SIGLEC12: variants seen among roughly 807,000 people sequenced by gnomAD.
SIGLEC12 encodes the protein sialic acid binding Ig like lectin 12.
SIGLEC12 carries 43 observed loss-of-function variants against 54.1 expected under a neutral mutation model. The observed-to-expected ratio is 0.80, with a 90% CI of 0.62 to 1.03. The LOEUF (loss-of-function observed/expected upper bound fraction) is 1.03, where lower values mean the gene tolerates loss of function less well. Ranked by LOEUF, SIGLEC12 falls within the 50% of genes least tolerant of loss-of-function variation. SIGLEC12 has a pLI of 0.00. For missense variants in SIGLEC12, 802 were observed against 735.2 expected (o/e 1.09, Z -1.05); for synonymous variants, 357 against 307.6 (o/e 1.16, Z -1.68).
Position 51,501,256 on chromosome 19 carries a change from T to C in SIGLEC12, c.427+51A>G. The stretch of plus-strand genomic sequence containing the variant: ...CATGTGTCCCGTCTCAGCCGTGCCC[T>C]AAAGCCCTCATCACATTTGCCTTTG... On this transcript the variant is annotated intron_variant, in intron 1 of 7. Transcript: ENST00000291707. 1.9e-6 allele frequency: 3 copies of C among 1,585,786 alleles called. No homozygotes were observed. In the South Asian group the frequency reaches 3.4e-5, roughly 18 times the overall value.
At chr19:51,494,281 AC>A (rs1051455739) in intron 7 of SIGLEC12, among the ~76,000 whole-genome samples, 1 of 152,080 alleles carries the variant, frequency 6.6e-6, no homozygotes, top group Non-Finnish European at 1.5e-5. Context: ...CAGAGAAACA[AC>A]ACAGTTTCAA....
rs1295825386 is a variant in SIGLEC12, at chr19:51,497,321, G to T, written c.1502+28C>A. 3 of 1,593,270 alleles carry T rather than the reference G, an allele frequency of 1.9e-6. No individual in the cohort carries two copies. The African/African-American group carries it at 4.0e-5, about 21-fold the overall frequency. The stretch of plus-strand genomic sequence containing the variant: ...TGTTCCCAGCCTGCCCTCCCCCAAG[G>T]CTCTTCCTCCCCAGGGTCAATGCTC... On this transcript the variant is annotated intron_variant, in intron 6 of 7. Coordinates refer to ENST00000291707, the MANE Select transcript of SIGLEC12 (RefSeq NM_053003.4).
chr19:51,495,413 G>GTGGATGGATGGATGGA (rs1276089932), intron 7 of SIGLEC12, among the ~76,000 whole-genome samples: 9 of 41,550 alleles, frequency 2.2e-4, no homozygotes, highest in African/African-American at 7.5e-4. Context: ...GGGTGGGTGG[G>GTGGATGGATGGATGGA]TGGATGGATG....
At chr19:51,495,169 GTGGA>G (rs747328721) in intron 7 of SIGLEC12, among the ~76,000 whole-genome samples, 18,494 of 99,140 alleles carry the variant, frequency 0.19, 2,114 homozygotes, top group Middle Eastern at 0.3. Context: ...GGGTGGGTGG[GTGGA>G]TGGATGGATG....
rs1171038611 is a variant in SIGLEC12, at chr19:51,498,182, G to A, written c.1241C>T (p.Thr414Ile). The A allele has an allele frequency of 1.2e-6, 2 of 1,614,114 alleles. No homozygotes were observed. The highest frequency in any genetic ancestry group is 1.7e-6 in the Non-Finnish European group (2 of 1,180,040). Residue 414 changes from threonine (T) to isoleucine (I), a missense_variant, in exon 5 of 8, where the codon ACC (threonine) becomes ATC (isoleucine). By Grantham distance (89) the Thr-to-Ile change is moderately conservative. Coordinates refer to ENST00000291707, the MANE Select transcript of SIGLEC12 (RefSeq NM_053003.4). ...GGGGCTCAGGGTCAGGCTCCCCCAGGTCCAGCTCAGCCTGGCAGGGGGATT... is the reference window on the plus strand; with the variant it reads ...GGGGCTCAGGGTCAGGCTCCCCCAGATCCAGCTCAGCCTGGCAGGGGGATT... ...DSNPPARLSW[T>I]WGSLTLSPSQ...
chr19:51,497,318 A>G (rs1990268035), intron 6 of SIGLEC12, 31 bp downstream of exon 6: 1 of 1,590,966 alleles, frequency 6.3e-7, no homozygotes, highest in African/African-American at 1.3e-5. Context: ...GCCCTCCCCC[A>G]AGGCTCTTCC....
In SIGLEC12 at chr19:51,497,392, C is replaced by G; in HGVS notation, c.1459G>C (p.Ala487Pro). The G allele has an allele frequency of 1.2e-6, 2 of 1,613,320 alleles. No individual in the cohort carries two copies. The highest frequency in any genetic ancestry group is 1.7e-6 in the Non-Finnish European group (2 of 1,179,364). ...VTLGAFGGAG[A>P]TALVFLYFCI... ...AAGTACAGGAAGACCAGGGCTGTGG[C>G]TCCAGCTCCCCCGAATGCCCCTAGC... Residue 487 changes from alanine (A) to proline (P), a missense_variant, in exon 6 of 8, where the codon GCC becomes CCC. By Grantham distance (27) the Ala-to-Pro change is conservative. Transcript: ENST00000291707.
Position 51,501,687 on chromosome 19 carries a change from A to G in SIGLEC12, c.47T>C (p.Val16Ala). ...LLLPPLLCGR[V>A]GAKEQKDYLL... ...GTAATCCTTCTGTTCCTTAGCCCCC[A>G]CTCTCCCACAGAGCAGGGGTGGCAG... is the stretch of plus-strand genomic sequence containing the variant. The change falls in exon 1 of 8, where the codon GTG becomes GCG. Residue 16 changes from valine (V) to alanine (A), a missense_variant. Physicochemically the swap from Val to Ala is moderately conservative, Grantham distance 64 (BLOSUM62 0). Coordinates refer to ENST00000291707, the MANE Select transcript of SIGLEC12 (RefSeq NM_053003.4). 2 of 1,612,970 alleles carry G rather than the reference A, an allele frequency of 1.2e-6. No homozygotes were observed. The highest frequency in any genetic ancestry group is 1.7e-6 in the Non-Finnish European group (2 of 1,179,538).
At chr19:51,497,944 A>T in intron 5 of SIGLEC12, 74 bp downstream of exon 5, 1 of 1,576,582 alleles carries the variant, frequency 6.3e-7, no homozygotes, top group Non-Finnish European at 8.6e-7. Flanking sequence ...GTTGCAGGGA[A>T]ATTCCAGGTC....
Position 51,499,619 on chromosome 19 carries a change from C to A in SIGLEC12, c.906G>T (p.Gly302=). 6.2e-7 allele frequency: 1 copy of A among 1,613,720 alleles called. No homozygotes were observed. The change falls in exon 3 of 8, where the codon GGG becomes GGT. Residue 302 remains glycine (G), a synonymous_variant. Transcript: ENST00000291707. Reference sequence around the variant, plus strand: ...CCATCCAGGTGATCGTGGGGGGCGTCCCCTGTTCACAGGCCCAGGGCACAG... The same window carrying A: ...CCATCCAGGTGATCGTGGGGGGCGTACCCTGTTCACAGGCCCAGGGCACAG... ...TCSVPWACEQ[G]TPPTITWMGA... is the part of the protein sequence containing the mutation.
Position 51,499,437 on chromosome 19 carries a change from C to T in SIGLEC12, c.1087+1G>A. 1 of 1,568,846 alleles carries T rather than the reference C, an allele frequency of 6.4e-7. No homozygotes were observed. Among genetic ancestry groups the T allele is most frequent in the Non-Finnish European group, 8.6e-7 (1 of 1,161,950 alleles). ...CCCAGACGTCCTGGCCCAGAACTCA[C>T]AGGATATGTTGAGTCGGACAGCCCT... On this transcript the variant is annotated splice_donor_variant, in intron 3 of 7. Coordinates refer to ENST00000291707, the MANE Select transcript of SIGLEC12 (RefSeq NM_053003.4). LOFTEE classifies it high-confidence loss of function.
intron 7 of SIGLEC12, among the ~76,000 whole-genome samples, chr19:51,496,553 G>A (rs1451133073): frequency 3.3e-5 from 5 of 152,214 alleles, no homozygotes; most frequent in Non-Finnish European, 2.9e-5. Flanking sequence ...GTGCTCTGCT[G>A]AGCCAAATGG....
At position 51,501,748 on chromosome 19, in the gene SIGLEC12, G is replaced by A. The variant is rs989176246; in HGVS notation, c.-15C>T. 58 of 1,585,068 alleles carry A rather than the reference G, an allele frequency of 3.7e-5. No individual in the cohort carries two copies. The highest frequency in any genetic ancestry group is 4.7e-5 in the Non-Finnish European group (55 of 1,163,002). On this transcript the variant is annotated 5_prime_UTR_variant, in exon 1 of 8. Coordinates refer to ENST00000291707, the MANE Select transcript of SIGLEC12 (RefSeq NM_053003.4). Reference sequence around the variant, plus strand: ...AGCAGTAGCATGTGTCGGGTTGGAGGTGCCAGGGTTGCTGAGGTAAGTCTG... The same window carrying A: ...AGCAGTAGCATGTGTCGGGTTGGAGATGCCAGGGTTGCTGAGGTAAGTCTG...
chr19:51,492,576 A>T (rs906041813), intron 7 of SIGLEC12, among the ~76,000 whole-genome samples: 1 of 152,204 alleles, frequency 6.6e-6, no homozygotes, highest in Non-Finnish European at 1.5e-5. Context: ...TAGGTTAAGG[A>T]TATCGAGATG....
At position 51,499,500 on chromosome 19, in the gene SIGLEC12, C is replaced by T. The variant is rs1990331625; in HGVS notation, c.1025G>A (p.Cys342Tyr). 1 of 1,608,164 alleles carries T rather than the reference C, an allele frequency of 6.2e-7. No individual in the cohort carries two copies. The highest frequency in any genetic ancestry group is 8.5e-7 in the Non-Finnish European group (1 of 1,177,396). Reference protein sequence around the residue: ...QPQDHGTSLTCQVTLPGAGVT... With the variant: ...QPQDHGTSLTYQVTLPGAGVT... ...GCCGGCCCCAGGCAAGGTCACCTGA[C>T]AGGTGAGGCTGGTGCCATGGTCCTG... Residue 342 changes from cysteine to tyrosine, a missense_variant, in exon 3 of 8, where the codon TGT becomes TAT. Physicochemically the swap from Cys to Tyr is radical, Grantham distance 194. Coordinates refer to ENST00000291707, the MANE Select transcript of SIGLEC12 (RefSeq NM_053003.4).
chr19:51,491,468 T>G lies in SIGLEC12; in HGVS notation c.*173A>C. The G allele has an allele frequency of 4.8e-6, 3 of 628,340 alleles. No individual in the cohort carries two copies. The highest frequency in any genetic ancestry group is 5.7e-5 in the Admixed American group (2 of 34,804). The allele number at this position is 628,340 out of a possible 1,614,324, so 38.9% of individuals were successfully genotyped here. A position where few individuals can be genotyped will look rare whatever the true frequency, so the allele number is the denominator to read the frequency against. On this transcript the variant is annotated 3_prime_UTR_variant, in exon 8 of 8. Coordinates refer to ENST00000291707, the MANE Select transcript of SIGLEC12 (RefSeq NM_053003.4). Reference sequence around the variant, plus strand: ...GGGCGGGGAGTGTGGACCGATTGGATGGAGAAAGGGAGAGTTTGGTCATCA... The same window carrying G: ...GGGCGGGGAGTGTGGACCGATTGGAGGGAGAAAGGGAGAGTTTGGTCATCA...
intron 7 of SIGLEC12, among the ~76,000 whole-genome samples, chr19:51,492,058 G>A (rs1340707794): frequency 6.6e-6 from 1 of 152,010 alleles, no homozygotes; most frequent in Non-Finnish European, 1.5e-5. Flanking sequence ...TATTATTATT[G>A]TCTCCATTTT....
In SIGLEC12 at chr19:51,491,545, C is replaced by A. The variant is rs1990099440; in HGVS notation, c.*96G>T. Reference sequence around the variant, plus strand: ...GAATAAGTTCTGATGTCCTGTTGCACAGCATGGAGGGCTGTTAATTCTAAA... The same window carrying A: ...GAATAAGTTCTGATGTCCTGTTGCAAAGCATGGAGGGCTGTTAATTCTAAA... On this transcript the variant is annotated 3_prime_UTR_variant, in exon 8 of 8. Coordinates refer to ENST00000291707, the MANE Select transcript of SIGLEC12 (RefSeq NM_053003.4). 3.3e-6 allele frequency: 4 copies of A among 1,208,572 alleles called. 1 individual carries two copies. The highest frequency in any genetic ancestry group is 4.8e-6 in the Non-Finnish European group (4 of 832,618). 74.9% of individuals were successfully genotyped at this position (1,208,572 alleles called of 1,614,324 possible). A position where few individuals can be genotyped will look rare whatever the true frequency, so the allele number is the denominator to read the frequency against.
chr19:51,500,273 C>G lies in SIGLEC12; in HGVS notation c.455G>C (p.Arg152Thr). ...AGTCACCGACTCTGGCACCTCCAGC[C>G]TGTATCTTGACAGTAGGTCCTGGGA... ...TASQDLLSRYRLEVPESVTVQ... is the reference protein window; with the variant it reads ...TASQDLLSRYTLEVPESVTVQ... The change falls in exon 2 of 8, where the codon AGG becomes ACG. Residue 152 changes from arginine (R) to threonine (T), a missense_variant. Coordinates refer to ENST00000291707, the MANE Select transcript of SIGLEC12 (RefSeq NM_053003.4). 1 of 1,614,210 alleles carries G rather than the reference C, an allele frequency of 6.2e-7. No homozygotes were observed. Among genetic ancestry groups the G allele is most frequent in the South Asian group, 1.1e-5 (1 of 91,088 alleles).
Sources: gnomAD v4.1 joint callset for allele counts (sites outside exome capture counted in the v4.1 genomes callset) on GRCh38, gnomAD v4.1.1 for gene constraint, MANE v1.5 for transcripts, NCBI Gene and HGNC (gene_info 2026-07-23, HGNC 2026-07-21) for gene names.